The following NANS variants were observed in gnomAD, a reference collection of about 807,000 sequenced individuals.
NANS encodes the protein N-acetylneuraminate-9-phosphate synthase.
Under a neutral mutation model 33.3 loss-of-function variants are expected in NANS, and 29 were observed. The ratio of observed to expected loss-of-function variants is 0.87; its 90% confidence interval spans 0.65 to 1.19. The LOEUF (loss-of-function observed/expected upper bound fraction) is 1.19. Among genes scored for constraint, NANS ranks in the 50% most tolerant of loss-of-function variants. The pLI is 0.00. For missense variants in NANS, 394 were observed against 461.1 expected (o/e 0.85, Z 1.33); for synonymous variants, 163 against 177.2 (o/e 0.92, Z 0.64).
chr9:98,066,704 G>A (rs1334354271), intron 2 of NANS, among the ~76,000 whole-genome samples: 1 of 150,952 alleles, frequency 6.6e-6, no homozygotes, highest in African/African-American at 2.4e-5. Flanking sequence ...AGGCTGGAGT[G>A]CAGTGGTAGG....
chr9:98,061,765 C>G (rs1036399131), intron 2 of NANS, among the ~76,000 whole-genome samples: 6 of 145,262 alleles, frequency 4.1e-5, no homozygotes, highest in African/African-American at 1.3e-4. Flanking sequence ...GGTGATAGAG[C>G]AAGATTCCGT....
intron 3 of NANS, 44 bp downstream of exon 3, chr9:98,077,061 C>A: frequency 6.9e-7 from 1 of 1,458,416 alleles, no homozygotes; most frequent in Non-Finnish European, 9.4e-7. Context: ...GAGTCCAAAC[C>A]TTCATATTTT....
At chr9:98,061,481 T>TAAAAAAA (rs1284256979) in intron 2 of NANS, among the ~76,000 whole-genome samples, 2 of 74,666 alleles carry the variant, frequency 2.7e-5, no homozygotes, top group African/African-American at 1.0e-4. Context: ...CATCTCAAAT[T>TAAAAAAA]AAAAAAAAAA....
intron 2 of NANS, among the ~76,000 whole-genome samples, chr9:98,073,141 T>A (rs967786272): frequency 2.0e-5 from 3 of 152,078 alleles, no homozygotes; most frequent in Admixed American, 2.0e-4. Flanking sequence ...AAAGCCGCCC[T>A]TCCCTCCAGC....
intron 2 of NANS, among the ~76,000 whole-genome samples, chr9:98,072,523 G>A (rs987367532): frequency 6.6e-6 from 1 of 151,342 alleles, no homozygotes; most frequent in Admixed American, 6.6e-5. Context: ...GCAGTTCTCT[G>A]CCTCAGCCTC....
At chr9:98,078,836 G>GAA (rs11424970) in intron 4 of NANS, among the ~76,000 whole-genome samples, 20,321 of 122,826 alleles carry the variant, frequency 0.17, 1,839 homozygotes, top group Admixed American at 0.2. Context: ...CTCTCAGGGG[G>GAA]AAAAAAAAAA....
intron 2 of NANS, chr9:98,061,303 C>G: frequency 6.6e-6 from 2 of 304,242 alleles, no homozygotes; most frequent in South Asian, 7.9e-5. Context: ...ATGGTGAAAC[C>G]CCATCTCTAC....
At position 98,076,960 on chromosome 9, in the gene NANS, A is replaced by G. The variant is rs1829620057; in HGVS notation, c.391A>G (p.Lys131Glu). ...FLHELNVPFFKVGSGDTNNFP... is the reference protein window; with the variant it reads ...FLHELNVPFFEVGSGDTNNFP... ...GCATGAACTGAATGTTCCATTTTTC[A>G]AAGTTGGATCTGGAGACACTAATAA... The change falls in exon 3 of 6, where the codon AAA becomes GAA. Residue 131 changes from lysine to glutamate, a missense_variant. By Grantham distance (56) the Lys-to-Glu change is moderately conservative. Transcript: ENST00000210444. 2 of 1,612,100 alleles carry G rather than the reference A, an allele frequency of 1.2e-6. No individual in the cohort carries two copies. Among genetic ancestry groups the G allele is most frequent in the Non-Finnish European group, 1.7e-6 (2 of 1,179,446 alleles).
intron 2 of NANS, among the ~76,000 whole-genome samples, chr9:98,073,267 T>G: frequency 8.0e-6 from 1 of 124,964 alleles, no homozygotes; most frequent in South Asian, 2.7e-4. Context: ...CTCATCACCA[T>G]GGGCTTTTTT....
At position 98,081,094 on chromosome 9, in the gene NANS, C is replaced by A; in HGVS notation, c.870+12C>A. ...CCTGCAATGAGAAGGTGTGTCCTGC[C>A]GGACTCTACTCGGTTCTGCTGCCGT... On this transcript the variant is annotated intron_variant, in intron 5 of 5. Coordinates refer to ENST00000210444, the MANE Select transcript of NANS (RefSeq NM_018946.4). 1 of 1,613,910 alleles carries A rather than the reference C, an allele frequency of 6.2e-7. No homozygotes were observed. Among genetic ancestry groups the A allele is most frequent in the South Asian group, 1.1e-5 (1 of 91,046 alleles).
chr9:98,082,809 C>G (rs1286213492), intron 5 of NANS, 37 bp from the exon 6 acceptor site: 1 of 1,600,624 alleles, frequency 6.2e-7, no homozygotes, highest in Admixed American at 1.7e-5. Context: ...CTAGTTACTT[C>G]TGTGAAGCTG....
chr9:98,078,265 C>T lies in NANS; in HGVS notation c.521C>T (p.Pro174Leu), dbSNP rs752721170. ...AAGCAAGTTTATCAGATCGTGAAGC[C>T]CCTCAACCCCAACTTCTGCTTCTTG... ...TMKQVYQIVK[P>L]LNPNFCFLQC... The change falls in exon 4 of 6, where the codon CCC (proline) becomes CTC (leucine). Residue 174 changes from proline (P) to leucine (L), a missense_variant. Pro to Leu is a moderately conservative substitution (Grantham distance 98). Coordinates refer to ENST00000210444, the MANE Select transcript of NANS (RefSeq NM_018946.4). The T allele has an allele frequency of 6.2e-7, 1 of 1,614,006 alleles. No individual in the cohort carries two copies. The highest frequency in any genetic ancestry group is 1.1e-5 in the South Asian group (1 of 91,072).
intron 2 of NANS, among the ~76,000 whole-genome samples, chr9:98,071,050 C>T (rs1375730051): frequency 6.6e-6 from 1 of 151,942 alleles, no homozygotes; most frequent in African/African-American, 2.4e-5. Context: ...GGGCCTCAAA[C>T]AGTCTCCCAC....
chr9:98,073,589 T>TC (rs1829450838), intron 2 of NANS, among the ~76,000 whole-genome samples: 1 of 148,660 alleles, frequency 6.7e-6, no homozygotes, highest in South Asian at 2.1e-4. Flanking sequence ...GGCCTGGGCT[T>TC]CTTTTTTTTT....
chr9:98,061,271 G>A (rs1489351786), intron 2 of NANS: 4 of 391,592 alleles, frequency 1.0e-5, no homozygotes, highest in African/African-American at 2.0e-5. Flanking sequence ...GAGGTCAGGA[G>A]TTCGAGACCA....
At chr9:98,061,049 C>T in intron 2 of NANS, 52 bp downstream of exon 2, 1 of 1,580,182 alleles carries the variant, frequency 6.3e-7, no homozygotes, top group Non-Finnish European at 8.7e-7. Flanking sequence ...CAAGGGTCAG[C>T]AGGCAGCCTG....
In NANS at chr9:98,072,114, ACT is replaced by A. The variant is rs1491588505; in HGVS notation, c.349-4801_349-4800del. ...TCTGAGCTCAGCTCCTGGTGCTCAC[ACT>A]CTGTGTGGCTTGGGCTCCTCATGTA... On this transcript the variant is annotated intron_variant, in intron 2 of 5. Coordinates refer to ENST00000210444, the MANE Select transcript of NANS (RefSeq NM_018946.4). 2.0e-5 allele frequency among the ~76,000 whole-genome samples: 3 copies of A among 151,920 alleles called. No individual in the cohort carries two copies. In the East Asian group the frequency reaches 5.8e-4, roughly 29 times the overall value.
At chr9:98,070,477 A>G (rs2131635436) in intron 2 of NANS, among the ~76,000 whole-genome samples, 1 of 152,006 alleles carries the variant, frequency 6.6e-6, no homozygotes, top group South Asian at 2.1e-4. Flanking sequence ...CCGGAGTGCA[A>G]TGGCGTGATC....
At chr9:98,058,993 T>C (rs4743158) in intron 1 of NANS, among the ~76,000 whole-genome samples, 47,044 of 151,990 alleles carry the variant, frequency 0.31, 9,452 homozygotes, top group African/African-American at 0.56. Flanking sequence ...GGAGTAGTGA[T>C]CTCAGCACTG....
Sources: allele counts gnomAD v4.1 joint callset (sites outside exome capture counted in the v4.1 genomes callset), GRCh38; gene constraint gnomAD v4.1.1; transcripts MANE v1.5; gene names NCBI Gene and HGNC (gene_info 2026-07-23, HGNC 2026-07-21).